HMGCS1: variants seen among roughly 807,000 people sequenced by gnomAD.
The protein encoded by HMGCS1 is 3-hydroxy-3-methylglutaryl-CoA synthase 1.
HMGCS1 carries 9 observed loss-of-function variants against 52.3 expected under a neutral mutation model. The observed-to-expected ratio is 0.17, with a 90% CI of 0.10 to 0.30. HMGCS1 has a LOEUF of 0.30. HMGCS1 is among the 10% of genes least tolerant of loss of function. The probability of loss-of-function intolerance (pLI) is 1.00; values close to 1 mark genes in which losing one functional copy is unlikely to be tolerated. For synonymous variants in HMGCS1, 176 were observed against 214.4 expected, an observed-to-expected ratio of 0.82 and a Z score of 1.57; for missense variants, 320 against 620.9, an observed-to-expected ratio of 0.52 and a Z score of 5.15.
intron 2 of HMGCS1, among the ~76,000 whole-genome samples, chr5:43,303,230 C>T (rs1340319822): frequency 6.6e-6 from 1 of 152,218 alleles, no homozygotes. Context: ...GGTTTCCCCA[C>T]CAAATTCATA....
chr5:43,299,577 G>A (rs1457799127), intron 2 of HMGCS1, among the ~76,000 whole-genome samples: 1 of 151,990 alleles, frequency 6.6e-6, no homozygotes, highest in Non-Finnish European at 1.5e-5. Context: ...GTGAACCCGG[G>A]AGGAGGAGCT....
chr5:43,294,670 G>A (rs1438644628), intron 7 of HMGCS1, 21 bp downstream of exon 7: 3 of 1,534,782 alleles, frequency 2.0e-6, no homozygotes, highest in Admixed American at 1.9e-5. Flanking sequence ...GAGTTAAGTA[G>A]TAGGTGAAAT....
intron 2 of HMGCS1, among the ~76,000 whole-genome samples, chr5:43,303,426 A>G (rs901339051): frequency 2.0e-5 from 3 of 152,258 alleles, no homozygotes; most frequent in African/African-American, 7.2e-5. Flanking sequence ...CGGGCAATCC[A>G]GGAGGAGAGC....
chr5:43,300,802 G>GAAAAAAAA (rs34564699), intron 2 of HMGCS1, among the ~76,000 whole-genome samples: 1 of 120,426 alleles, frequency 8.3e-6, no homozygotes, highest in African/African-American at 3.0e-5. Flanking sequence ...ATAGAGAAAG[G>GAAAAAAAA]AAAAAAAAAA....
At chr5:43,297,662 G>GA (rs1273497087) in intron 4 of HMGCS1, among the ~76,000 whole-genome samples, 1 of 151,868 alleles carries the variant, frequency 6.6e-6, no homozygotes, top group Non-Finnish European at 1.5e-5. Flanking sequence ...CTAACATGGT[G>GA]AAACCCTGTT....
At chr5:43,308,223 C>T (rs1056854200) in intron 1 of HMGCS1, among the ~76,000 whole-genome samples, 4 of 152,182 alleles carry the variant, frequency 2.6e-5, no homozygotes, top group African/African-American at 9.7e-5. Flanking sequence ...GAGATATATG[C>T]AGTCAAGAGC....
At chr5:43,307,864 T>C (rs1210859008) in intron 1 of HMGCS1, 40 bp from the exon 2 acceptor site, 5 of 152,210 alleles carry the variant, frequency 3.3e-5, no homozygotes, top group Admixed American at 2.6e-4. Flanking sequence ...AAGTTATAAA[T>C]CACTACCCAA....
rs923497009 is a variant in HMGCS1, at chr5:43,290,333, A to C, written c.*798T>G. ...AACTCCCTCATCCACACCTCCAATAACATCTCACTGTTGTTCAGCATAATC... is the reference window on the plus strand; with the variant it reads ...AACTCCCTCATCCACACCTCCAATACCATCTCACTGTTGTTCAGCATAATC... On this transcript the variant is annotated 3_prime_UTR_variant, in exon 11 of 11. Coordinates refer to ENST00000325110, the MANE Select transcript of HMGCS1 (RefSeq NM_001098272.3). 2 of 152,458 alleles carry C rather than the reference A, an allele frequency of 1.3e-5. No homozygotes were observed. Among genetic ancestry groups the C allele is most frequent in the Non-Finnish European group, 2.9e-5 (2 of 68,026 alleles). 9.4% of individuals were successfully genotyped at this position (152,458 alleles called of 1,614,324 possible). A position where few individuals can be genotyped will look rare whatever the true frequency, so the allele number is the denominator to read the frequency against.
intron 2 of HMGCS1, among the ~76,000 whole-genome samples, chr5:43,302,307 C>T (rs1754359806): frequency 6.6e-6 from 1 of 152,182 alleles, no homozygotes; most frequent in South Asian, 2.1e-4. Context: ...ATAACCCTCC[C>T]TCTACCCTTT....
chr5:43,287,789 G>A lies in HMGCS1; in HGVS notation c.*3342C>T, dbSNP rs1753562275. The A allele has an allele frequency of 1.3e-5, 2 of 152,368 alleles. No individual in the cohort carries two copies. The highest frequency in any genetic ancestry group is 3.4e-3 in the Middle Eastern group (1 of 296). The allele number at this position is 152,368 out of a possible 1,614,324, so 9.4% of individuals were successfully genotyped here. On this transcript the variant is annotated 3_prime_UTR_variant, in exon 11 of 11. Coordinates refer to ENST00000325110, the MANE Select transcript of HMGCS1 (RefSeq NM_001098272.3). Reference sequence around the variant, plus strand: ...GACATTCCACGTCAGGGAGGCTGAAGTGAAAGGTATACAGCTAGAATCCAA... The same window carrying A: ...GACATTCCACGTCAGGGAGGCTGAAATGAAAGGTATACAGCTAGAATCCAA...
At position 43,287,920 on chromosome 5, in the gene HMGCS1, G is replaced by C. The variant is rs148583326; in HGVS notation, c.*3211C>G. 1.0e-4 allele frequency: 16 copies of C among 152,400 alleles called. No homozygotes were observed. In the East Asian group the frequency reaches 3.1e-3, roughly 29 times the overall value. The allele number at this position is 152,400 out of a possible 1,614,324, so 9.4% of individuals were successfully genotyped here. ...GGCAGGGCAGAGAAGATCTGAAGTGGGGCCCAACATTTCTGATGCGTAGAT... is the reference window on the plus strand; with the variant it reads ...GGCAGGGCAGAGAAGATCTGAAGTGCGGCCCAACATTTCTGATGCGTAGAT... On this transcript the variant is annotated 3_prime_UTR_variant, in exon 11 of 11. Coordinates refer to ENST00000325110, the MANE Select transcript of HMGCS1 (RefSeq NM_001098272.3).
rs968116849 is a variant in HMGCS1, at chr5:43,287,546, G to A, written c.*3585C>T. 1 of 152,080 alleles carries A rather than the reference G, an allele frequency of 6.6e-6. No individual in the cohort carries two copies. Among genetic ancestry groups the A allele is most frequent in the Admixed American group, 6.6e-5 (1 of 15,264 alleles). The allele number at this position is 152,080 out of a possible 1,614,324, so 9.4% of individuals were successfully genotyped here. A position where few individuals can be genotyped will look rare whatever the true frequency, so the allele number is the denominator to read the frequency against. Reference sequence around the variant, plus strand: ...CACAGGAGTGAAACAAAAGAGGAAAGCCAATATAAGGATGGTTATTGCCAA... The same window carrying A: ...CACAGGAGTGAAACAAAAGAGGAAAACCAATATAAGGATGGTTATTGCCAA... On this transcript the variant is annotated 3_prime_UTR_variant, in exon 11 of 11. Coordinates refer to ENST00000325110, the MANE Select transcript of HMGCS1 (RefSeq NM_001098272.3).
chr5:43,299,655 A>T (rs1029888535), intron 2 of HMGCS1, among the ~76,000 whole-genome samples: 3 of 138,848 alleles, frequency 2.2e-5, no homozygotes, highest in African/African-American at 8.4e-5. Flanking sequence ...GTCTCAAAAA[A>T]AAAAAAAGAA....
chr5:43,305,132 G>A (rs897462141), intron 2 of HMGCS1, among the ~76,000 whole-genome samples: 3 of 152,148 alleles, frequency 2.0e-5, no homozygotes, highest in East Asian at 1.9e-4. Flanking sequence ...GATTACAGGC[G>A]GGTGCCACCA....
intron 2 of HMGCS1, among the ~76,000 whole-genome samples, chr5:43,301,336 T>C (rs1003055747): frequency 6.6e-6 from 1 of 152,230 alleles, no homozygotes; most frequent in African/African-American, 2.4e-5. Context: ...TATGCTGATG[T>C]TGAGGGCTTC....
At chr5:43,313,157 G>C (rs954376900) in intron 1 of HMGCS1, 199 bp downstream of exon 1, 6 of 152,382 alleles carry the variant, frequency 3.9e-5, no homozygotes, top group African/African-American at 1.4e-4. Context: ...CGCTACGGTC[G>C]GCCTCAGGTC....
At chr5:43,309,363 G>A (rs1358537777) in intron 1 of HMGCS1, among the ~76,000 whole-genome samples, 2 of 151,432 alleles carry the variant, frequency 1.3e-5, no homozygotes, top group East Asian at 1.9e-4. Context: ...CTCAGACCCC[G>A]CAAGTAGCTG....
intron 1 of HMGCS1, among the ~76,000 whole-genome samples, chr5:43,308,388 C>T (rs1754682977): frequency 6.6e-6 from 1 of 152,152 alleles, no homozygotes; most frequent in African/African-American, 2.4e-5. Flanking sequence ...ACACAAAGCA[C>T]CAATACACTG....
At chr5:43,302,055 T>C (rs1173217689) in intron 2 of HMGCS1, among the ~76,000 whole-genome samples, 2 of 152,170 alleles carry the variant, frequency 1.3e-5, no homozygotes, top group African/African-American at 4.8e-5. Context: ...ACTGAGGAAG[T>C]GAAGAGATCA....
Sources: allele counts gnomAD v4.1 joint callset (sites outside exome capture counted in the v4.1 genomes callset), GRCh38; gene constraint gnomAD v4.1.1; transcripts MANE v1.5; gene names NCBI Gene and HGNC (gene_info 2026-07-23, HGNC 2026-07-21).